The following BRF1 variants were observed in gnomAD, a reference collection of about 807,000 sequenced individuals.
The protein encoded by BRF1 is BRF1 general transcription factor IIIB subunit, also known as transcription factor IIIB 90 kDa subunit.
BRF1 carries 59 observed loss-of-function variants against 81.7 expected under a neutral mutation model. That is an observed-to-expected ratio of 0.72 (90% confidence interval 0.59 to 0.90). The LOEUF (loss-of-function observed/expected upper bound fraction) is 0.90, where lower values mean the gene tolerates loss of function less well. BRF1 is among the 40% of genes least tolerant of loss of function. BRF1 has a pLI of 0.00. For synonymous variants in BRF1, 491 were observed against 395.6 expected (o/e 1.24, Z -2.86); for missense variants, 1,050 against 936.3 (o/e 1.12, Z -1.58).
chr14:105,245,868 T>C (rs2055058639), intron 5 of BRF1, among the ~76,000 whole-genome samples: 1 of 152,138 alleles, frequency 6.6e-6, no homozygotes, highest in South Asian at 2.1e-4. Flanking sequence ...TTGGCAATGA[T>C]TTCTTGAACA....
intron 2 of BRF1, among the ~76,000 whole-genome samples, chr14:105,279,716 G>A (rs868517991): frequency 1.3e-5 from 2 of 152,260 alleles, no homozygotes; most frequent in African/African-American, 2.4e-5. Context: ...ACTCCCAAGC[G>A]GAGGGGGCAC....
rs148884120 is a variant in BRF1 at position 105,228,946 on chromosome 14, C to T, written c.695-33G>A. ...GCAACGAGACGGGCCTCGTCAACCA[C>T]GGCTGGGAACCAGGGCAACATCTGT... On this transcript the variant is annotated intron_variant, in intron 6 of 17. Coordinates refer to ENST00000547530, the MANE Select transcript of BRF1 (RefSeq NM_001519.4). 1,667 of 1,602,886 alleles carry T rather than the reference C, an allele frequency of 1.0e-3. 2 individuals are homozygous for T. The highest frequency in any genetic ancestry group is 5.5e-3 in the East Asian group (247 of 44,838).
intron 1 of BRF1, among the ~76,000 whole-genome samples, chr14:105,286,605 G>A (rs201109377): frequency 5.9e-5 from 9 of 152,124 alleles, no homozygotes; most frequent in Admixed American, 1.3e-4. Context: ...TGCACTTTCC[G>A]CATTTTCTTT....
chr14:105,289,901 G>C (rs1031447061), intron 1 of BRF1, among the ~76,000 whole-genome samples: 2 of 152,056 alleles, frequency 1.3e-5, no homozygotes, highest in Non-Finnish European at 2.9e-5. Context: ...CTCCCAAAGT[G>C]CTGGGATTAC....
At chr14:105,283,620 G>A (rs994025707) in intron 2 of BRF1, among the ~76,000 whole-genome samples, 1 of 152,174 alleles carries the variant, frequency 6.6e-6, no homozygotes. Flanking sequence ...CTTTTGAAAA[G>A]GTAAGATGAG....
At chr14:105,252,810 G>A (rs1415211099) in intron 4 of BRF1, among the ~76,000 whole-genome samples, 1 of 152,144 alleles carries the variant, frequency 6.6e-6, no homozygotes, top group African/African-American at 2.4e-5. Flanking sequence ...CGCCAATGAT[G>A]GCATCTGCTT....
chr14:105,220,699 C>A (rs769769212), intron 11 of BRF1, among the ~76,000 whole-genome samples: 1 of 152,208 alleles, frequency 6.6e-6, no homozygotes, highest in Non-Finnish European at 1.5e-5. Flanking sequence ...GGAATTGGGA[C>A]AGCCTCTCCT....
intron 5 of BRF1, among the ~76,000 whole-genome samples, chr14:105,243,666 T>C (rs1278248079): frequency 6.6e-6 from 1 of 152,022 alleles, no homozygotes; most frequent in African/African-American, 2.4e-5. Flanking sequence ...TGCTCATTAA[T>C]TATTGAAATA....
In BRF1 at chr14:105,210,494, T is replaced by G; in HGVS notation, c.*57A>C. On this transcript the variant is annotated 3_prime_UTR_variant, in exon 18 of 18. Transcript: ENST00000547530. The surrounding 1 kb of genome is among the most constrained non-coding windows in gnomAD (Gnocchi z 4.7). ...GCTGCGGTCCTGGAAGCCCGTCTGA[T>G]GCTGAGGAGACCCGCGAGGCCCCCT... The G allele has an allele frequency of 6.3e-7, 1 of 1,597,610 alleles. No individual in the cohort carries two copies. The highest frequency in any genetic ancestry group is 1.7e-4 in the Middle Eastern group (1 of 5,996).
intron 6 of BRF1, 94 bp from the exon 7 acceptor site, chr14:105,229,007 G>A (rs1595329264): frequency 8.7e-7 from 1 of 1,148,414 alleles, no homozygotes; most frequent in Non-Finnish European, 1.3e-6. Context: ...CCCGGTCACG[G>A]AGATGATGGC....
At chr14:105,304,756 G>A (rs1294975839), upstream of BRF1, among the ~76,000 whole-genome samples, 4 of 152,264 alleles carry the variant, frequency 2.6e-5, no homozygotes, top group African/African-American at 9.6e-5. Context: ...AGGAAGGCAA[G>A]GAGGAGCAAG....
chr14:105,314,793 C>T (rs1302504408), intron 1 of BRF1: 5 of 223,772 alleles, frequency 2.2e-5, no homozygotes, highest in African/African-American at 9.5e-5. Flanking sequence ...GGGGCCCGGC[C>T]CGTCCCCTCC....
chr14:105,242,791 G>C (rs955157548), intron 5 of BRF1, among the ~76,000 whole-genome samples: 1 of 132,964 alleles, frequency 7.5e-6, no homozygotes, highest in African/African-American at 2.8e-5. Context: ...GGGCAATACA[G>C]AGACGAAGTC....
intron 1 of BRF1, among the ~76,000 whole-genome samples, chr14:105,296,337 C>A (rs1316407203): frequency 6.6e-6 from 1 of 151,956 alleles, no homozygotes; most frequent in East Asian, 1.9e-4. Flanking sequence ...ATCCATGTAA[C>A]CCCGCCTCTG....
chr14:105,220,524 C>G, intron 11 of BRF1, among the ~76,000 whole-genome samples: 1 of 152,206 alleles, frequency 6.6e-6, no homozygotes, highest in South Asian at 2.1e-4. Flanking sequence ...GGGGAGCCAG[C>G]TCCCCATCAC....
Position 105,228,805 on chromosome 14 carries a change from A to C in BRF1, c.788+15T>G. The C allele has an allele frequency of 6.2e-7, 1 of 1,613,522 alleles. No individual in the cohort carries two copies. The highest frequency in any genetic ancestry group is 8.5e-7 in the Non-Finnish European group (1 of 1,179,824). On this transcript the variant is annotated intron_variant, in intron 7 of 17. Transcript: ENST00000547530. The stretch of plus-strand genomic sequence containing the variant: ...CCTCTGTGTGGTCCCCATGCCATGA[A>C]TGAGAGCCCCTCACCTCTTCCGCAG...
At chr14:105,247,856 C>T in intron 5 of BRF1, 10 of 985,704 alleles carry the variant, frequency 1.0e-5, no homozygotes, top group Non-Finnish European at 1.1e-5. Context: ...GTCTGGTCTC[C>T]TCATCAGCAA....
intron 5 of BRF1, chr14:105,249,614 CCT>C (rs930515908): frequency 1.3e-6 from 2 of 1,592,638 alleles, no homozygotes; most frequent in Non-Finnish European, 1.7e-6. Context: ...GGAGCCAGCC[CCT>C]GACGCGGGCC....
rs775912541 is a variant in BRF1 at position 105,226,307 on chromosome 14, C to A, written c.916-17G>T. Reference sequence around the variant, plus strand: ...TTGTTCAAGCTGAAAGGGAACAGGGCAAGAGGCTTCGTGAAGGGAGGCCCT... The same window carrying A: ...TTGTTCAAGCTGAAAGGGAACAGGGAAAGAGGCTTCGTGAAGGGAGGCCCT... On this transcript the variant is annotated splice_polypyrimidine_tract_variant and intron_variant, in intron 8 of 17. Coordinates refer to ENST00000547530, the MANE Select transcript of BRF1 (RefSeq NM_001519.4). 6.2e-7 allele frequency: 1 copy of A among 1,613,820 alleles called. No individual in the cohort carries two copies. The highest frequency in any genetic ancestry group is 8.5e-7 in the Non-Finnish European group (1 of 1,179,988).
Sources: gnomAD v4.1 joint callset for allele counts (sites outside exome capture counted in the v4.1 genomes callset) on GRCh38, gnomAD v4.1.1 for gene constraint, Gnocchi (gnomAD v3.1) non-coding constraint, MANE v1.5 for transcripts, NCBI Gene and HGNC (gene_info 2026-07-23, HGNC 2026-07-21) for gene names.